SNX29: variants seen among roughly 807,000 people sequenced by gnomAD.
SNX29 encodes sorting nexin-29.
SNX29 carries 78 observed loss-of-function variants against 102.1 expected under a neutral mutation model. That is an observed-to-expected ratio of 0.76 (90% CI 0.64 to 0.92). SNX29 has a LOEUF of 0.92. Among genes scored for constraint, SNX29 ranks in the 40% least tolerant of loss-of-function variants. SNX29 has a pLI of 0.00. For missense variants in SNX29, 1,280 were observed against 1,061.7 expected (o/e 1.21, Z -2.86); for synonymous variants, 580 against 414.5 (o/e 1.40, Z -4.85).
At chr16:12,361,788 A>G (rs1423652340) in intron 16 of SNX29, among the ~76,000 whole-genome samples, 1 of 152,140 alleles carries the variant, frequency 6.6e-6, no homozygotes, top group Non-Finnish European at 1.5e-5. Context: ...ACTCATGACA[A>G]ACCTTAGCAT....
intron 15 of SNX29, among the ~76,000 whole-genome samples, chr16:12,334,861 T>G (rs2081399519): frequency 6.8e-6 from 1 of 146,136 alleles, no homozygotes; most frequent in African/African-American, 2.5e-5. Flanking sequence ...TATAGGCATT[T>G]GTGTCAGCCC....
intron 15 of SNX29, among the ~76,000 whole-genome samples, chr16:12,345,017 A>C (rs955745983): frequency 1.3e-5 from 2 of 152,222 alleles, no homozygotes; most frequent in Admixed American, 1.3e-4. Context: ...CTCATATGCT[A>C]CGTTTAAGGA....
chr16:12,207,913 A>T (rs2077086365), intron 14 of SNX29, among the ~76,000 whole-genome samples: 1 of 152,086 alleles, frequency 6.6e-6, no homozygotes, highest in African/African-American at 2.4e-5. Flanking sequence ...AGGGTCTGGG[A>T]CTTAGAAACA....
At chr16:12,401,223 A>G (rs2083927570) in intron 17 of SNX29, among the ~76,000 whole-genome samples, 1 of 152,192 alleles carries the variant, frequency 6.6e-6, no homozygotes, top group African/African-American at 2.4e-5. Flanking sequence ...ATTAGATTTA[A>G]CAGCAGAATG....
intron 20 of SNX29, among the ~76,000 whole-genome samples, chr16:12,539,817 C>A (rs186952183): frequency 2.6e-5 from 4 of 151,954 alleles, no homozygotes; most frequent in Non-Finnish European, 5.9e-5. Flanking sequence ...GGATGTTTTC[C>A]TTTAACACAT....
chr16:12,053,244 A>G (rs1423971028), intron 8 of SNX29: 1 of 147,984 alleles, frequency 6.8e-6, no homozygotes, highest in Admixed American at 6.9e-5. Flanking sequence ...AGATGATGCC[A>G]TTGCACTCCA....
chr16:12,419,705 C>T (rs1051852093), intron 18 of SNX29, among the ~76,000 whole-genome samples: 3 of 152,132 alleles, frequency 2.0e-5, no homozygotes, highest in Admixed American at 6.5e-5. Context: ...GGGAAAGGCC[C>T]CTGTTTCTTC....
chr16:12,268,865 C>G (rs533260989), intron 14 of SNX29, among the ~76,000 whole-genome samples: 12 of 152,234 alleles, frequency 7.9e-5, no homozygotes, highest in African/African-American at 2.6e-4. Context: ...GACAGAAAAC[C>G]CTATGTGTTC....
In SNX29 at chr16:12,032,294, G is replaced by A. The variant is rs539019182; in HGVS notation, c.247+4850G>A. 4.2e-4 allele frequency among the ~76,000 whole-genome samples: 62 copies of A among 148,166 alleles called. 1 individual carries two copies. The highest frequency in any genetic ancestry group is 8.0e-4 in the Non-Finnish European group (54 of 67,378). ...GCTATCTCAGCTCACCACAACCTCCGCCTCCTGGGTTCAAGCGATTCTCCT... is the reference window on the plus strand; with the variant it reads ...GCTATCTCAGCTCACCACAACCTCCACCTCCTGGGTTCAAGCGATTCTCCT... On this transcript the variant is annotated intron_variant, in intron 4 of 20. Coordinates refer to ENST00000566228, the MANE Select transcript of SNX29 (RefSeq NM_032167.5).
intron 18 of SNX29, among the ~76,000 whole-genome samples, chr16:12,464,341 C>T (rs2151766876): frequency 6.6e-6 from 1 of 152,128 alleles, no homozygotes; most frequent in East Asian, 1.9e-4. Flanking sequence ...TGACAGACAC[C>T]TAGTTTGTTT....
chr16:12,210,434 C>A (rs1003478359), intron 14 of SNX29, among the ~76,000 whole-genome samples: 4 of 151,342 alleles, frequency 2.6e-5, no homozygotes, highest in African/African-American at 9.7e-5. Context: ...CTCAAGCAAT[C>A]CCTCCTGCCT....
intron 7 of SNX29, among the ~76,000 whole-genome samples, chr16:12,051,346 AAAG>A (rs2050292288): frequency 6.6e-6 from 1 of 151,346 alleles, no homozygotes; most frequent in Non-Finnish European, 1.5e-5. Context: ...AAAAAAAAAA[AAAG>A]CAGAGCACTA....
At chr16:12,005,774 G>A (rs755731637) in intron 3 of SNX29, among the ~76,000 whole-genome samples, 4 of 152,168 alleles carry the variant, frequency 2.6e-5, no homozygotes, top group Non-Finnish European at 5.9e-5. Flanking sequence ...CAAAGGAAAT[G>A]CTCATGGAAG....
At chr16:12,554,017 G>C (rs115535288) in intron 20 of SNX29, among the ~76,000 whole-genome samples, 1 of 152,018 alleles carries the variant, frequency 6.6e-6, no homozygotes, top group South Asian at 2.1e-4. Flanking sequence ...TAGAGACAGC[G>C]TTTTAACCAT....
chr16:12,029,279 G>T (rs2057276697), intron 4 of SNX29, among the ~76,000 whole-genome samples: 1 of 152,066 alleles, frequency 6.6e-6, no homozygotes, highest in African/African-American at 2.4e-5. Flanking sequence ...ATACATCTTG[G>T]TTGGAAGGAA....
At chr16:12,162,135 A>C (rs182182792) in intron 13 of SNX29, among the ~76,000 whole-genome samples, 2 of 152,044 alleles carry the variant, frequency 1.3e-5, no homozygotes, top group Non-Finnish European at 2.9e-5. Context: ...GCTTGTTCCA[A>C]CTGGATGGCT....
At chr16:12,390,748 C>G (rs1346249995) in intron 16 of SNX29, among the ~76,000 whole-genome samples, 1 of 151,932 alleles carries the variant, frequency 6.6e-6, no homozygotes, top group Non-Finnish European at 1.5e-5. Flanking sequence ...TCCTAACAAC[C>G]CCACCAGGGC....
chr16:12,500,584 A>C (rs918094184), intron 19 of SNX29, among the ~76,000 whole-genome samples: 1 of 152,254 alleles, frequency 6.6e-6, no homozygotes, highest in Non-Finnish European at 1.5e-5. Context: ...GCTTGAGATG[A>C]ACAGTATCAA....
At chr16:12,563,771 C>T (rs936184522) in intron 20 of SNX29, among the ~76,000 whole-genome samples, 1 of 152,238 alleles carries the variant, frequency 6.6e-6, no homozygotes, top group Non-Finnish European at 1.5e-5. Flanking sequence ...CCACCCTTGT[C>T]TGCCGACCTG....
Sources: gnomAD v4.1 joint callset for allele counts (sites outside exome capture counted in the v4.1 genomes callset) on GRCh38, gnomAD v4.1.1 for gene constraint, MANE v1.5 for transcripts, NCBI Gene and HGNC (gene_info 2026-07-23, HGNC 2026-07-21) for gene names.